Variants in PPP1R13B observed in about 807,000 individuals in gnomAD.
The protein encoded by PPP1R13B is apoptosis-stimulating of p53 protein 1.
Under a neutral mutation model 119.8 loss-of-function variants are expected in PPP1R13B, and 44 were observed. The observed-to-expected ratio is 0.37, with a 90% CI of 0.29 to 0.47. The LOEUF (loss-of-function observed/expected upper bound fraction) is 0.47, where lower values mean the gene tolerates loss of function less well. PPP1R13B is among the 20% of genes least tolerant of loss of function. The pLI is 0.99. For synonymous variants in PPP1R13B, 542 were observed against 561.5 expected, an observed-to-expected ratio of 0.97 and a Z score of 0.49; for missense variants, 1,227 against 1,413.5, an observed-to-expected ratio of 0.87 and a Z score of 2.12.
intron 1 of PPP1R13B, among the ~76,000 whole-genome samples, chr14:103,828,685 G>GA (rs1202837851): frequency 6.6e-6 from 1 of 152,160 alleles, no homozygotes; most frequent in African/African-American, 2.4e-5. Context: ...AGACAGAAAG[G>GA]AGTAAGCCAC....
chr14:103,812,332 G>T (rs1567142805), intron 1 of PPP1R13B, among the ~76,000 whole-genome samples: 1 of 151,676 alleles, frequency 6.6e-6, no homozygotes, highest in Non-Finnish European at 1.5e-5. Context: ...CACCATATTG[G>T]CCAGGCTGGT....
chr14:103,797,262 T>G (rs1251015561), intron 2 of PPP1R13B, 109 bp downstream of exon 2: 2 of 1,125,626 alleles, frequency 1.8e-6, no homozygotes, highest in Non-Finnish European at 1.2e-6. Context: ...ACTTAGTTAC[T>G]TTTTTTCCCC....
intron 2 of PPP1R13B, among the ~76,000 whole-genome samples, chr14:103,788,348 A>G (rs934687767): frequency 6.6e-6 from 1 of 152,194 alleles, no homozygotes; most frequent in African/African-American, 2.4e-5. Flanking sequence ...TGTGTTGAAC[A>G]TTCCAAAATA....
chr14:103,746,497 C>A lies in PPP1R13B; in HGVS notation c.1026G>T (p.Arg342Ser), dbSNP rs762835808. ...SPQSPLSTSG[R>S]VAAVGPYIQV... Reference sequence around the variant, plus strand: ...GGATATAAGGCCCCACAGCAGCGACCCTGCCCGATGTGCTCAGAGGGGACT... The same window carrying A: ...GGATATAAGGCCCCACAGCAGCGACACTGCCCGATGTGCTCAGAGGGGACT... Residue 342 changes from arginine (R) to serine (S), a missense_variant, in exon 9 of 17, where the codon AGG becomes AGT. Coordinates refer to ENST00000202556, the MANE Select transcript of PPP1R13B (RefSeq NM_015316.3). The A allele has an allele frequency of 5.0e-6, 8 of 1,614,022 alleles. No homozygotes were observed. The South Asian group carries it at 8.8e-5, about 18-fold the overall frequency.
chr14:103,812,010 A>T (rs1239744768), intron 1 of PPP1R13B, among the ~76,000 whole-genome samples: 1 of 130,954 alleles, frequency 7.6e-6, no homozygotes, highest in African/African-American at 2.8e-5. Context: ...CGGTGAGCTG[A>T]GATTGAGCCA....
At chr14:103,741,743 G>T (rs1163984679) in intron 11 of PPP1R13B, 47 bp downstream of exon 11, 7 of 1,550,448 alleles carry the variant, frequency 4.5e-6, no homozygotes, top group East Asian at 2.3e-5. Context: ...TTAATTAAAA[G>T]TATAATTTCC....
chr14:103,789,914 A>T (rs927519136), intron 2 of PPP1R13B, among the ~76,000 whole-genome samples: 4 of 152,178 alleles, frequency 2.6e-5, no homozygotes, highest in Non-Finnish European at 4.4e-5. Flanking sequence ...GATGAGGTGT[A>T]AGATAAAGAG....
intron 2 of PPP1R13B, 150 bp downstream of exon 2, chr14:103,797,221 T>C: frequency 1.5e-6 from 1 of 649,824 alleles, no homozygotes; most frequent in Non-Finnish European, 2.5e-6. Flanking sequence ...ACAAGCAATA[T>C]TTTCCATTTG....
At chr14:103,739,605 C>T (rs1350337551) in intron 12 of PPP1R13B, among the ~76,000 whole-genome samples, 1 of 152,246 alleles carries the variant, frequency 6.6e-6, no homozygotes, top group South Asian at 2.1e-4. Context: ...CTGGGAAAGG[C>T]TTGGCCACAT....
intron 4 of PPP1R13B, among the ~76,000 whole-genome samples, chr14:103,773,337 G>A (rs954851912): frequency 2.0e-5 from 3 of 152,156 alleles, no homozygotes; most frequent in Non-Finnish European, 4.4e-5. Flanking sequence ...AATACTTCTC[G>A]AGATAACAGA....
At chr14:103,800,676 CA>C (rs1362156320) in intron 1 of PPP1R13B, among the ~76,000 whole-genome samples, 4 of 150,430 alleles carry the variant, frequency 2.7e-5, no homozygotes, top group East Asian at 1.9e-4. Flanking sequence ...AAACAAAAAA[CA>C]AAAAAAAAGA....
chr14:103,740,544 C>A lies in PPP1R13B; in HGVS notation c.1872G>T (p.Leu624=). ...TGGACAGTGACCCGTGAAGAAACGG[C>A]AGCGGCGATGGAGAGGTTGAACCCG... The part of the protein sequence containing the change: ...LPSGSTSPSP[L]PFLHGSLSTG... The change falls in exon 12 of 17, where the codon CTG becomes CTT. Residue 624 remains leucine (L), a synonymous_variant. Transcript: ENST00000202556. This position sits in a 1 kb window ranked among gnomAD's most constrained non-coding sequence, Gnocchi z 4.6. The A allele has an allele frequency of 6.4e-7, 1 of 1,567,184 alleles. No homozygotes were observed. Among genetic ancestry groups the A allele is most frequent in the Non-Finnish European group, 8.7e-7 (1 of 1,153,306 alleles).
At chr14:103,843,142 T>C (rs992770574) in intron 1 of PPP1R13B, among the ~76,000 whole-genome samples, 5 of 151,314 alleles carry the variant, frequency 3.3e-5, no homozygotes, top group African/African-American at 1.2e-4. Flanking sequence ...GAAGTTGAGG[T>C]GGGCAGATAA....
rs34539149 is a variant in PPP1R13B, at chr14:103,816,669, C to CAA, written c.10-19153_10-19152dup. Among the ~76,000 whole-genome samples the CAA allele has an allele frequency of 8.7e-4, 92 of 105,154 alleles. 1 individual carries two copies. Among genetic ancestry groups the CAA allele is most frequent in the Middle Eastern group, 5.0e-3 (1 of 200 alleles). 69.0% of individuals were successfully genotyped at this position (105,154 alleles called of 152,430 possible). The stretch of plus-strand genomic sequence containing the variant: ...GGGCAACAAGAGCAAAACTCAGTCT[C>CAA]AAAAAAAAAAAAAAAAAATTATTTC... On this transcript the variant is annotated intron_variant, in intron 1 of 16. Transcript: ENST00000202556.
Position 103,739,950 on chromosome 14 carries a change from G to A in PPP1R13B, c.2466C>T (p.Asn822=), listed in dbSNP as rs1332925215. The change falls in exon 12 of 17, where the codon AAC becomes AAT. Residue 822 remains asparagine, a synonymous_variant. Coordinates refer to ENST00000202556, the MANE Select transcript of PPP1R13B (RefSeq NM_015316.3). ...CCGTGGTGGGGACCGTGGCCACGTTGTTGTTATTGTCCTCTGCCGGCTCGG... is the reference window on the plus strand; with the variant it reads ...CCGTGGTGGGGACCGTGGCCACGTTATTGTTATTGTCCTCTGCCGGCTCGG... ...QTAEPAEDNN[N]NVATVPTTEQ... 1 of 1,614,184 alleles carries A rather than the reference G, an allele frequency of 6.2e-7. No individual in the cohort carries two copies. Among genetic ancestry groups the A allele is most frequent in the African/African-American group, 1.3e-5 (1 of 75,074 alleles).
chr14:103,833,459 C>T (rs2086704763), intron 1 of PPP1R13B, among the ~76,000 whole-genome samples: 1 of 152,060 alleles, frequency 6.6e-6, no homozygotes, highest in African/African-American at 2.4e-5. Flanking sequence ...GCCTGGCCAA[C>T]ATGGTGAAAC....
chr14:103,807,979 G>A (rs1045277617), intron 1 of PPP1R13B, among the ~76,000 whole-genome samples: 1 of 151,722 alleles, frequency 6.6e-6, no homozygotes, highest in East Asian at 2.0e-4. Context: ...AGTGGCTCAT[G>A]CCTATAATCC....
intron 4 of PPP1R13B, among the ~76,000 whole-genome samples, chr14:103,763,649 T>A (rs936558811): frequency 1.3e-5 from 2 of 152,206 alleles, no homozygotes; most frequent in East Asian, 3.8e-4. Flanking sequence ...TAGAGTTAAC[T>A]GAGGCATAAT....
intron 1 of PPP1R13B, among the ~76,000 whole-genome samples, chr14:103,820,126 G>C (rs532662861): frequency 6.6e-5 from 10 of 152,260 alleles, no homozygotes; most frequent in South Asian, 2.1e-4. Context: ...CAACAATCAG[G>C]CTTCAGTCCC....
Sources: allele counts gnomAD v4.1 joint callset (sites outside exome capture counted in the v4.1 genomes callset), GRCh38; gene constraint gnomAD v4.1.1; non-coding constraint Gnocchi (gnomAD v3.1); transcripts MANE v1.5; gene names NCBI Gene and HGNC (gene_info 2026-07-23, HGNC 2026-07-21).